The following EYA4 variants were observed in gnomAD, a reference collection of about 807,000 sequenced individuals.
The protein encoded by EYA4 is EYA transcriptional coactivator and phosphatase 4, also known as protein phosphatase EYA4.
In EYA4, 31 loss-of-function variants were observed where a neutral mutation model predicts 87.9. The ratio of observed to expected loss-of-function variants is 0.35; its 90% CI spans 0.27 to 0.48. EYA4 has a LOEUF of 0.48. EYA4 is among the 20% of genes least tolerant of loss of function. The pLI, the probability that EYA4 is intolerant of heterozygous loss-of-function variation, is 0.99. For missense variants in EYA4, 678 were observed against 761.4 expected (o/e 0.89, Z 1.29); for synonymous variants, 263 against 270.6 (o/e 0.97, Z 0.28).
intron 3 of EYA4, among the ~76,000 whole-genome samples, chr6:133,410,427 T>C (rs3777835): frequency 0.055 from 8,342 of 151,720 alleles, 683 homozygotes; most frequent in African/African-American, 0.17. Context: ...TATATTATTT[T>C]GAGAAGGTAT....
chr6:133,434,099 G>T (rs1208854229), intron 3 of EYA4, among the ~76,000 whole-genome samples: 1 of 152,200 alleles, frequency 6.6e-6, no homozygotes, highest in East Asian at 1.9e-4. Flanking sequence ...GGAAGAGAAT[G>T]CTAGGAAAGT....
chr6:133,274,981 G>T (rs539142460), intron 2 of EYA4, among the ~76,000 whole-genome samples, 168 bp downstream of exon 2: 1 of 152,092 alleles, frequency 6.6e-6, no homozygotes, highest in African/African-American at 2.4e-5. Flanking sequence ...GATTTATGCC[G>T]TTTCTGCTTA....
At chr6:133,457,998 C>T (rs1314983996) in intron 6 of EYA4, among the ~76,000 whole-genome samples, 1 of 152,124 alleles carries the variant, frequency 6.6e-6, no homozygotes, top group Non-Finnish European at 1.5e-5. Flanking sequence ...CAGTCAAGGC[C>T]TCACAGCTGG....
intron 3 of EYA4, among the ~76,000 whole-genome samples, chr6:133,442,477 G>C (rs764420484): frequency 6.6e-6 from 1 of 151,710 alleles, no homozygotes; most frequent in Non-Finnish European, 1.5e-5. Flanking sequence ...AATTTTTTAG[G>C]GTTTTTTTTA....
intron 3 of EYA4, among the ~76,000 whole-genome samples, chr6:133,422,072 T>C (rs574885846): frequency 6.6e-6 from 1 of 152,318 alleles, no homozygotes; most frequent in African/African-American, 2.4e-5. Context: ...TATTATGATA[T>C]TGCAAACAGA....
chr6:133,489,125 A>C (rs1336175549), intron 13 of EYA4, among the ~76,000 whole-genome samples: 1 of 152,230 alleles, frequency 6.6e-6, no homozygotes, highest in Admixed American at 6.5e-5. Context: ...AGAATGCATG[A>C]GTCTCTTAAC....
chr6:133,354,485 C>T (rs1179482166), intron 2 of EYA4, among the ~76,000 whole-genome samples: 1 of 152,136 alleles, frequency 6.6e-6, no homozygotes, highest in East Asian at 1.9e-4. Context: ...GTTTAAGGTT[C>T]ACATGTCATT....
At chr6:133,518,253 T>G (rs1259844825) in intron 17 of EYA4, among the ~76,000 whole-genome samples, 2 of 151,774 alleles carry the variant, frequency 1.3e-5, no homozygotes, top group Non-Finnish European at 2.9e-5. Context: ...TATATACAGA[T>G]TAATTATTAA....
chr6:133,343,467 C>A (rs1484778152), intron 2 of EYA4, among the ~76,000 whole-genome samples: 3 of 152,036 alleles, frequency 2.0e-5, no homozygotes, highest in African/African-American at 7.2e-5. Flanking sequence ...TCCTGGATCA[C>A]TGTTGTTGTT....
At chr6:133,338,848 T>G (rs904224101) in intron 2 of EYA4, among the ~76,000 whole-genome samples, 4 of 72,362 alleles carry the variant, frequency 5.5e-5, no homozygotes, top group African/African-American at 2.8e-4. Flanking sequence ...ACCAATTGCT[T>G]CTTTTTTTTT....
At chr6:133,302,493 C>G (rs1484731505) in intron 2 of EYA4, among the ~76,000 whole-genome samples, 1 of 152,164 alleles carries the variant, frequency 6.6e-6, no homozygotes, top group African/African-American at 2.4e-5. Flanking sequence ...GGAACTTATT[C>G]AGCCAGAAGC....
At chr6:133,279,267 G>A (rs1490757584) in intron 2 of EYA4, among the ~76,000 whole-genome samples, 2 of 152,068 alleles carry the variant, frequency 1.3e-5, no homozygotes, top group African/African-American at 4.8e-5. Context: ...GTTACAGCAG[G>A]ATTGCTTTCC....
At chr6:133,498,909 G>A (rs574243256) in intron 13 of EYA4, among the ~76,000 whole-genome samples, 9 of 152,274 alleles carry the variant, frequency 5.9e-5, no homozygotes, top group Admixed American at 3.3e-4. Context: ...ATGACTCTGC[G>A]TGATCTCATG....
At chr6:133,444,506 G>A (rs1792608199) in intron 3 of EYA4, among the ~76,000 whole-genome samples, 2 of 152,148 alleles carry the variant, frequency 1.3e-5, no homozygotes, top group Non-Finnish European at 2.9e-5. Context: ...TCCTTTTGAG[G>A]GGCATGAAGG....
rs149283523 is a variant in EYA4, at chr6:133,307,976, A to G, written c.33+33163A>G. Among the ~76,000 whole-genome samples, 968 of 152,166 alleles carry G rather than the reference A, an allele frequency of 6.4e-3. 4 individuals carry two copies. The highest frequency in any genetic ancestry group is 0.024 in the Middle Eastern group (7 of 294). On this transcript the variant is annotated intron_variant, in intron 2 of 19. Coordinates refer to ENST00000355286, the MANE Select transcript of EYA4 (RefSeq NM_004100.5). ...TTTTCCTGTGCTGTTCTCATGATAGAGGATAAGTCTCATGAGATCTGATGG... is the reference window on the plus strand; with the variant it reads ...TTTTCCTGTGCTGTTCTCATGATAGGGGATAAGTCTCATGAGATCTGATGG...
intron 2 of EYA4, among the ~76,000 whole-genome samples, chr6:133,299,894 TATATAC>T (rs573009914): frequency 6.7e-6 from 1 of 149,842 alleles, no homozygotes; most frequent in East Asian, 2.0e-4. Flanking sequence ...CACACACACT[TATATAC>T]ATATACATAT....
At chr6:133,483,306 A>C (rs1796383512) in intron 13 of EYA4, among the ~76,000 whole-genome samples, 191 bp downstream of exon 13, 1 of 152,200 alleles carries the variant, frequency 6.6e-6, no homozygotes, top group African/African-American at 2.4e-5. Flanking sequence ...GCTAATTATA[A>C]ATTGAATTCC....
chr6:133,270,650 G>T (rs1175883976), intron 1 of EYA4, among the ~76,000 whole-genome samples: 1 of 151,836 alleles, frequency 6.6e-6, no homozygotes, highest in Non-Finnish European at 1.5e-5. Context: ...TTTTCCTTGT[G>T]GAGTGACCCA....
At chr6:133,450,758 A>G (rs1010486775) in intron 5 of EYA4, among the ~76,000 whole-genome samples, 2 of 152,148 alleles carry the variant, frequency 1.3e-5, no homozygotes, top group African/African-American at 4.8e-5. Context: ...TGATCTGACT[A>G]CCTAGGCCTC....
Sources: gnomAD v4.1 joint callset for allele counts (sites outside exome capture counted in the v4.1 genomes callset) on GRCh38, gnomAD v4.1.1 for gene constraint, MANE v1.5 for transcripts, NCBI Gene and HGNC (gene_info 2026-07-23, HGNC 2026-07-21) for gene names.